Variants in KCNIP4 observed in about 807,000 individuals in gnomAD.
KCNIP4 encodes potassium voltage-gated channel interacting protein 4.
In KCNIP4, 12 loss-of-function variants were observed where a neutral mutation model predicts 34.0. That is an observed-to-expected ratio of 0.35 (90% confidence interval 0.23 to 0.57). The LOEUF (loss-of-function observed/expected upper bound fraction) is 0.57, where lower values mean the gene tolerates loss of function less well. Ranked by LOEUF, KCNIP4 falls within the 20% of genes least tolerant of loss-of-function variation. KCNIP4 has a pLI of 0.83. For synonymous variants in KCNIP4, 124 were observed against 102.2 expected (o/e 1.21, Z -1.29); for missense variants, 238 against 311.7 (o/e 0.76, Z 1.78).
intron 1 of KCNIP4, among the ~76,000 whole-genome samples, chr4:21,494,825 T>A: frequency 6.6e-6 from 1 of 151,344 alleles, no homozygotes; most frequent in South Asian, 2.1e-4. Flanking sequence ...CCAAGAGATA[T>A]GTTATAGATT....
rs1034989293 is a variant in KCNIP4, at chr4:21,036,582, T to C, written c.62-153873A>G. 2.6e-5 allele frequency among the ~76,000 whole-genome samples: 4 copies of C among 152,182 alleles called. No individual in the cohort carries two copies. The East Asian group carries it at 7.7e-4, about 29-fold the overall frequency. Reference sequence around the variant, plus strand: ...TCTTAAAAACTGCTATGTGATTAGCTGGGCATGGGGGTGTGTGCCTGTAGT... The same window carrying C: ...TCTTAAAAACTGCTATGTGATTAGCCGGGCATGGGGGTGTGTGCCTGTAGT... On this transcript the variant is annotated intron_variant, in intron 1 of 8. Transcript: ENST00000382152.
chr4:20,764,029 G>A (rs1025896038), intron 3 of KCNIP4, among the ~76,000 whole-genome samples: 1 of 152,120 alleles, frequency 6.6e-6, no homozygotes, highest in Non-Finnish European at 1.5e-5. Flanking sequence ...GAAGCAGTAG[G>A]GTTCCTGGGT....
intron 1 of KCNIP4, among the ~76,000 whole-genome samples, chr4:21,129,664 G>A (rs1193544815): frequency 6.6e-6 from 1 of 152,192 alleles, no homozygotes; most frequent in African/African-American, 2.4e-5. Context: ...ACTGGCTGCT[G>A]TTGACTTTGG....
chr4:21,352,509 T>TA lies in KCNIP4; in HGVS notation c.62-469801dup, dbSNP rs534376542. On this transcript the variant is annotated intron_variant, in intron 1 of 8. Coordinates refer to ENST00000382152, the MANE Select transcript of KCNIP4 (RefSeq NM_025221.6). The stretch of plus-strand genomic sequence containing the variant: ...TGGCTCAGTGGGTCCCATGACCACG[T>TA]AGCCTTGCTCACTGCTAGCGCAGCA... Among the ~76,000 whole-genome samples, 513 of 152,356 alleles carry TA rather than the reference T, an allele frequency of 3.4e-3. 5 individuals carry two copies. Among genetic ancestry groups the TA allele is most frequent in the African/African-American group, 0.012 (496 of 41,600 alleles).
intron 1 of KCNIP4, among the ~76,000 whole-genome samples, chr4:21,063,725 G>A (rs1744119257): frequency 6.6e-6 from 1 of 151,960 alleles, no homozygotes; most frequent in South Asian, 2.1e-4. Context: ...CAAAGAGACT[G>A]GATAGACTCT....
chr4:21,701,045 T>C (rs1437604590), intron 1 of KCNIP4, among the ~76,000 whole-genome samples: 1 of 152,168 alleles, frequency 6.6e-6, no homozygotes, highest in Non-Finnish European at 1.5e-5. Flanking sequence ...ATGTGGTATA[T>C]ATACACATTG....
rs574157588 is a variant in KCNIP4, at chr4:21,859,428, G to C, written c.61+89143C>G. Among the ~76,000 whole-genome samples, 3 of 147,256 alleles carry C rather than the reference G, an allele frequency of 2.0e-5. No homozygotes were observed. The East Asian group carries it at 6.1e-4, about 30-fold the overall frequency. ...TCGAGACCATCCTGGCTAACACGGA[G>C]AAACCCCGTCTCTACTAAAAATACA... On this transcript the variant is annotated intron_variant, in intron 1 of 8. Transcript: ENST00000382152.
intron 1 of KCNIP4, among the ~76,000 whole-genome samples, chr4:21,650,112 A>G (rs1374708468): frequency 1.3e-5 from 2 of 152,200 alleles, no homozygotes; most frequent in African/African-American, 4.8e-5. Flanking sequence ...TGAAGCAGAA[A>G]CTAACAGAAA....
At chr4:21,038,985 A>G (rs1741709681) in intron 1 of KCNIP4, among the ~76,000 whole-genome samples, 1 of 152,164 alleles carries the variant, frequency 6.6e-6, no homozygotes, top group Non-Finnish European at 1.5e-5. Flanking sequence ...TTGAGAGTTC[A>G]CTGCAGGCAG....
At chr4:21,398,221 C>A (rs1288430133) in intron 1 of KCNIP4, among the ~76,000 whole-genome samples, 1 of 152,186 alleles carries the variant, frequency 6.6e-6, no homozygotes, top group Non-Finnish European at 1.5e-5. Flanking sequence ...GCGGTAAGTG[C>A]ACAAATTAAA....
intron 1 of KCNIP4, among the ~76,000 whole-genome samples, chr4:21,004,852 G>A (rs1037865148): frequency 5.9e-5 from 9 of 151,998 alleles, no homozygotes; most frequent in Non-Finnish European, 1.2e-4. Context: ...TCTGTTTTAC[G>A]GGATTCAAAA....
chr4:21,037,665 C>T (rs1004425845), intron 1 of KCNIP4, among the ~76,000 whole-genome samples: 1 of 152,196 alleles, frequency 6.6e-6, no homozygotes, highest in Non-Finnish European at 1.5e-5. Flanking sequence ...TTGGAAGTGG[C>T]TAGATCCAGT....
intron 1 of KCNIP4, among the ~76,000 whole-genome samples, chr4:21,332,481 G>A (rs1365020896): frequency 2.0e-5 from 3 of 151,940 alleles, no homozygotes; most frequent in Non-Finnish European, 4.4e-5. Flanking sequence ...AACATTATCT[G>A]TTTAAAAGAG....
intron 2 of KCNIP4, among the ~76,000 whole-genome samples, chr4:20,868,841 G>A (rs758263814): frequency 1.3e-5 from 2 of 152,000 alleles, no homozygotes; most frequent in South Asian, 2.1e-4. Flanking sequence ...CTGGGAAGGC[G>A]GGACATTGAA....
Position 20,729,207 on chromosome 4 carries a change from A to ACTTGTTAT in KCNIP4, c.*867_*874dup, listed in dbSNP as rs1179318623. On this transcript the variant is annotated 3_prime_UTR_variant, in exon 9 of 9. Transcript: ENST00000382152. ...TTTGGCCTTTAATGCTGTTAGGATT[A>ACTTGTTAT]CTTGTTATTAAGCATTACTATATAC... is the stretch of plus-strand genomic sequence containing the variant. The ACTTGTTAT allele has an allele frequency of 6.6e-6, 1 of 151,994 alleles. No homozygotes were observed. Among genetic ancestry groups the ACTTGTTAT allele is most frequent in the East Asian group, 2.0e-4 (1 of 5,006 alleles). The allele number at this position is 151,994 out of a possible 1,614,324, so 9.4% of individuals were successfully genotyped here.
At chr4:21,097,079 A>C (rs994830940) in intron 1 of KCNIP4, among the ~76,000 whole-genome samples, 1 of 152,210 alleles carries the variant, frequency 6.6e-6, no homozygotes, top group African/African-American at 2.4e-5. Flanking sequence ...ACAACCCACC[A>C]ATTCCATTTC....
At chr4:21,088,316 T>A (rs1746655952) in intron 1 of KCNIP4, among the ~76,000 whole-genome samples, 2 of 152,196 alleles carry the variant, frequency 1.3e-5, no homozygotes, top group Non-Finnish European at 2.9e-5. Context: ...TACCTTCCAA[T>A]CTGGCTCCTG....
chr4:21,559,568 C>G (rs1464878291), intron 1 of KCNIP4, among the ~76,000 whole-genome samples: 1 of 152,028 alleles, frequency 6.6e-6, no homozygotes, highest in Admixed American at 6.6e-5. Context: ...ACAGAGGGCT[C>G]AACAGGTTGC....
At chr4:21,422,299 C>T (rs1226508448) in intron 1 of KCNIP4, among the ~76,000 whole-genome samples, 1 of 151,348 alleles carries the variant, frequency 6.6e-6, no homozygotes, top group Non-Finnish European at 1.5e-5. Context: ...CTCCTGGGTT[C>T]AAGCCATTCT....
Sources: gnomAD v4.1 joint callset for allele counts (sites outside exome capture counted in the v4.1 genomes callset) on GRCh38, gnomAD v4.1.1 for gene constraint, MANE v1.5 for transcripts, NCBI Gene and HGNC (gene_info 2026-07-23, HGNC 2026-07-21) for gene names.